The following CSNK1A1 variants were observed in gnomAD, a reference collection of about 807,000 sequenced individuals.
The protein encoded by CSNK1A1 is casein kinase 1 alpha 1, also known as casein kinase I isoform alpha.
Under a neutral mutation model 46.1 loss-of-function variants are expected in CSNK1A1, and 7 were observed. That is an observed-to-expected ratio of 0.15 (90% confidence interval 0.09 to 0.29). The LOEUF is 0.29. Ranked by LOEUF, CSNK1A1 falls within the 10% of genes least tolerant of loss-of-function variation. The probability of loss-of-function intolerance (pLI) is 1.00; values close to 1 mark genes in which losing one functional copy is unlikely to be tolerated. For missense variants in CSNK1A1, 96 were observed against 417.1 expected, an observed-to-expected ratio of 0.23 and a Z score of 6.71; for synonymous variants, 137 against 141.5, an observed-to-expected ratio of 0.97 and a Z score of 0.23.
intron 2 of CSNK1A1, among the ~76,000 whole-genome samples, chr5:149,536,520 T>C (rs1176183515): frequency 2.6e-5 from 4 of 152,208 alleles, no homozygotes; most frequent in Non-Finnish European, 5.9e-5. Flanking sequence ...AAGAAAACAA[T>C]GAACATTCCA....
At chr5:149,528,367 C>A (rs1761785451) in intron 2 of CSNK1A1, among the ~76,000 whole-genome samples, 1 of 152,190 alleles carries the variant, frequency 6.6e-6, no homozygotes, top group Admixed American at 6.5e-5. Context: ...ACTATAACTC[C>A]TTAAACCTAA....
intron 3 of CSNK1A1, among the ~76,000 whole-genome samples, chr5:149,521,711 G>C (rs1286586562): frequency 6.6e-6 from 1 of 151,864 alleles, no homozygotes; most frequent in Non-Finnish European, 1.5e-5. Flanking sequence ...CTGCCTCCTG[G>C]GTTCAAGCGA....
rs1761442774 is a variant in CSNK1A1 at position 149,517,667 on chromosome 5, A to G, written c.456+2623T>C. 1.6e-6 allele frequency: 1 copy of G among 622,642 alleles called. No homozygotes were observed. Among genetic ancestry groups the G allele is most frequent in the Non-Finnish European group, 2.9e-6 (1 of 348,180 alleles). The allele number at this position is 622,642 out of a possible 1,614,324, so 38.6% of individuals were successfully genotyped here. ...AAGTATGTCTGAATAATGCCAACGTAAGAGGTGCTTGAGCAAGATCTACAT... is the reference window on the plus strand; with the variant it reads ...AAGTATGTCTGAATAATGCCAACGTGAGAGGTGCTTGAGCAAGATCTACAT... On this transcript the variant is annotated intron_variant, in intron 4 of 9. Coordinates refer to ENST00000377843, the MANE Select transcript of CSNK1A1 (RefSeq NM_001892.6). This position sits in a 1 kb window ranked among gnomAD's most constrained non-coding sequence, Gnocchi z 4.4.
chr5:149,495,498 C>T lies in CSNK1A1; in HGVS notation c.*1355G>A, dbSNP rs1219599576. On this transcript the variant is annotated 3_prime_UTR_variant, in exon 10 of 10. Coordinates refer to ENST00000377843, the MANE Select transcript of CSNK1A1 (RefSeq NM_001892.6). ...AGAGGAAGCGCACGCACACAGATAA[C>T]TTAAAGAAGCAGGAGGGGCTGGGGA... is the stretch of plus-strand genomic sequence containing the variant. 6.6e-6 allele frequency: 1 copy of T among 152,086 alleles called. No individual in the cohort carries two copies. The highest frequency in any genetic ancestry group is 2.4e-5 in the African/African-American group (1 of 41,416). The allele number at this position is 152,086 out of a possible 1,614,324, so 9.4% of individuals were successfully genotyped here. A position where few individuals can be genotyped will look rare whatever the true frequency, so the allele number is the denominator to read the frequency against.
At chr5:149,536,628 G>A (rs559899911) in intron 2 of CSNK1A1, among the ~76,000 whole-genome samples, 45 of 152,300 alleles carry the variant, frequency 3.0e-4, no homozygotes, top group African/African-American at 9.9e-4. Flanking sequence ...AATGGAAGAA[G>A]CAACACAAGC....
At chr5:149,533,128 T>C (rs970259299) in intron 2 of CSNK1A1, among the ~76,000 whole-genome samples, 7 of 152,222 alleles carry the variant, frequency 4.6e-5, no homozygotes, top group Admixed American at 1.3e-4. Context: ...TTCAAAGATA[T>C]GTAGATGTTC....
intron 4 of CSNK1A1, among the ~76,000 whole-genome samples, chr5:149,518,918 G>A (rs111689160): frequency 2.0e-5 from 3 of 152,090 alleles, no homozygotes; most frequent in African/African-American, 7.2e-5. Flanking sequence ...GGTTTTTAGG[G>A]GGTAAGAAAA....
chr5:149,533,101 G>A (rs1761950741), intron 2 of CSNK1A1, among the ~76,000 whole-genome samples: 1 of 151,976 alleles, frequency 6.6e-6, no homozygotes, highest in South Asian at 2.1e-4. Context: ...CTCCACCTTT[G>A]TTCCTTGCCC....
At chr5:149,549,079 G>A (rs574399198) in intron 2 of CSNK1A1, among the ~76,000 whole-genome samples, 2 of 152,160 alleles carry the variant, frequency 1.3e-5, no homozygotes, top group South Asian at 2.1e-4. Flanking sequence ...TTTTATCCTC[G>A]TTACTGCTAT....
chr5:149,503,771 A>G, intron 9 of CSNK1A1: 1 of 985,414 alleles, frequency 1.0e-6, no homozygotes, highest in South Asian at 4.7e-5. Flanking sequence ...CTAACAAAGA[A>G]ACTAACTTAA....
rs1760740148 is a variant in CSNK1A1, at chr5:149,499,005, T to C, written c.1007-2145A>G. Reference sequence around the variant, plus strand: ...TTCCTGGTAGAATAGAGCAGTCAAATCCAGCTTTAACTCTTCAAATGGGTC... The same window carrying C: ...TTCCTGGTAGAATAGAGCAGTCAAACCCAGCTTTAACTCTTCAAATGGGTC... On this transcript the variant is annotated intron_variant, in intron 9 of 9. Transcript: ENST00000377843. 3 of 985,310 alleles carry C rather than the reference T, an allele frequency of 3.0e-6. No individual in the cohort carries two copies. In the South Asian group the frequency reaches 1.4e-4, roughly 46 times the overall value. 61.0% of individuals were successfully genotyped at this position (985,310 alleles called of 1,614,324 possible).
chr5:149,550,322 T>C lies in CSNK1A1; in HGVS notation c.124-141A>G, dbSNP rs1220125763. ...CTGGAAAGAGAAAGCTCTCGGTAAT[T>C]ATAAAACGAGGCAACCAGCCTCAAA... On this transcript the variant is annotated intron_variant, in intron 1 of 9. Coordinates refer to ENST00000377843, the MANE Select transcript of CSNK1A1 (RefSeq NM_001892.6). The surrounding 1 kb of genome is among the most constrained non-coding windows in gnomAD (Gnocchi z 4.3). 11 of 1,446,258 alleles carry C rather than the reference T, an allele frequency of 7.6e-6. No homozygotes were observed. The highest frequency in any genetic ancestry group is 1.4e-5 in the African/African-American group (1 of 70,104). 89.6% of individuals were successfully genotyped at this position (1,446,258 alleles called of 1,614,324 possible).
In CSNK1A1 at chr5:149,505,540, C is replaced by T; in HGVS notation, c.913G>A (p.Ala305Thr). The change falls in exon 9 of 10, where the codon GCA becomes ACA. Residue 305 changes from alanine to threonine, a missense_variant. Ala to Thr is a moderately conservative substitution (Grantham distance 58). Transcript: ENST00000377843. ...CTGGAAGAGGCTGCCTGCTGTGCTG[C>T]TTTCTGCTTTAACATTGTCCAATCA... The part of the protein sequence containing the change: ...TFDWTMLKQK[A>T]AQQAASSSGQ... The T allele has an allele frequency of 1.2e-6, 2 of 1,614,100 alleles. No homozygotes were observed. Among genetic ancestry groups the T allele is most frequent in the Middle Eastern group, 1.7e-4 (1 of 6,054 alleles).
At chr5:149,505,250 T>C in intron 9 of CSNK1A1, 197 bp downstream of exon 9, 1 of 1,363,054 alleles carries the variant, frequency 7.3e-7, no homozygotes. Flanking sequence ...CAAATACATA[T>C]ACATATATAT....
intron 4 of CSNK1A1, among the ~76,000 whole-genome samples, chr5:149,519,891 A>G (rs1761515550): frequency 1.3e-5 from 2 of 152,172 alleles, no homozygotes; most frequent in South Asian, 2.1e-4. Context: ...ACAAGCACAT[A>G]TATTATAAAA....
Position 149,505,577 on chromosome 5 carries a change from A to G in CSNK1A1, c.876T>C (p.Tyr292=). Residue 292 remains tyrosine (Y), a synonymous_variant, in exon 9 of 10, where the codon TAT becomes TAC. Transcript: ENST00000377843. ...RILFRTLNHQ[Y]DYTFDWTMLK... The stretch of plus-strand genomic sequence containing the variant: ...ACATTGTCCAATCAAATGTGTAGTC[A>G]TATTGATGGTTCAGGGTCCTGGAAC... 23 of 1,614,006 alleles carry G rather than the reference A, an allele frequency of 1.4e-5. No homozygotes were observed. The highest frequency in any genetic ancestry group is 1.9e-5 in the Non-Finnish European group (22 of 1,180,012).
intron 2 of CSNK1A1, among the ~76,000 whole-genome samples, chr5:149,534,658 C>T (rs1468585858): frequency 3.9e-5 from 6 of 151,922 alleles, no homozygotes; most frequent in Non-Finnish European, 7.4e-5. Flanking sequence ...AGGAGCCATG[C>T]GATAGCTCAC....
At chr5:149,500,717 G>C (rs1760827922) in intron 9 of CSNK1A1, among the ~76,000 whole-genome samples, 1 of 151,930 alleles carries the variant, frequency 6.6e-6, no homozygotes. Flanking sequence ...GTGAGCCACA[G>C]TGCCTGGCTG....
intron 2 of CSNK1A1, among the ~76,000 whole-genome samples, chr5:149,543,999 A>G (rs1451063995): frequency 6.6e-6 from 1 of 152,228 alleles, no homozygotes; most frequent in East Asian, 1.9e-4. Flanking sequence ...CTTTTTTTCT[A>G]GCTACTATCC....
Sources: gnomAD v4.1 joint callset for allele counts (sites outside exome capture counted in the v4.1 genomes callset) on GRCh38, gnomAD v4.1.1 for gene constraint, Gnocchi (gnomAD v3.1) non-coding constraint, MANE v1.5 for transcripts, NCBI Gene and HGNC (gene_info 2026-07-23, HGNC 2026-07-21) for gene names.